The following GUCY1A2 variants were observed in gnomAD, a reference collection of about 807,000 sequenced individuals.
The protein encoded by GUCY1A2 is guanylate cyclase 1 soluble subunit alpha 2, also known as guanylate cyclase soluble subunit alpha-2.
A neutral mutation model predicts 63.5 loss-of-function variants in GUCY1A2; 27 were observed. The ratio of observed to expected loss-of-function variants is 0.43; its 90% CI spans 0.31 to 0.59. GUCY1A2 has a LOEUF of 0.59. GUCY1A2 is among the 20% of genes least tolerant of loss of function. The pLI is 0.11. For synonymous variants in GUCY1A2, 364 were observed against 343.5 expected, an observed-to-expected ratio of 1.06 and a Z score of -0.66; for missense variants, 768 against 913.3, an observed-to-expected ratio of 0.84 and a Z score of 2.05.
intron 4 of GUCY1A2, among the ~76,000 whole-genome samples, chr11:106,879,450 T>C (rs1362895795): frequency 6.6e-6 from 1 of 151,728 alleles, no homozygotes; most frequent in Non-Finnish European, 1.5e-5. Flanking sequence ...TATGGAAGAG[T>C]TAAGTTTGTT....
chr11:106,722,912 A>G (rs1056305086), intron 6 of GUCY1A2, among the ~76,000 whole-genome samples: 1 of 152,150 alleles, frequency 6.6e-6, no homozygotes, highest in Non-Finnish European at 1.5e-5. Context: ...TCCCCCAGAC[A>G]TGTGAAATTC....
chr11:106,823,196 T>A (rs953784423), intron 4 of GUCY1A2, among the ~76,000 whole-genome samples: 14 of 152,168 alleles, frequency 9.2e-5, no homozygotes, highest in Non-Finnish European at 2.1e-4. Flanking sequence ...ATCACTCAAA[T>A]ATTGAACATT....
chr11:106,964,636 G>T (rs966372755), intron 3 of GUCY1A2, among the ~76,000 whole-genome samples: 1 of 152,136 alleles, frequency 6.6e-6, no homozygotes, highest in African/African-American at 2.4e-5. Context: ...TATTGTCAGT[G>T]CTCACTCTGG....
At chr11:106,734,052 T>A (rs949552430) in intron 6 of GUCY1A2, among the ~76,000 whole-genome samples, 9 of 152,174 alleles carry the variant, frequency 5.9e-5, no homozygotes, top group African/African-American at 2.2e-4. Context: ...CAAACTATAC[T>A]GAGTTTCTTT....
intron 4 of GUCY1A2, among the ~76,000 whole-genome samples, chr11:106,896,785 A>C (rs1266749207): frequency 6.6e-6 from 1 of 152,198 alleles, no homozygotes; most frequent in Non-Finnish European, 1.5e-5. Context: ...CTTGATCTTG[A>C]ATTTCCCAGC....
At chr11:106,986,236 G>C in intron 1 of GUCY1A2, 105 bp from the exon 2 acceptor site, 2 of 664,028 alleles carry the variant, frequency 3.0e-6, no homozygotes, top group Non-Finnish European at 5.3e-6. Flanking sequence ...TATCTCTTGA[G>C]AGTTTTCCTT....
chr11:106,919,511 A>G (rs1267732904), intron 4 of GUCY1A2, among the ~76,000 whole-genome samples: 1 of 152,120 alleles, frequency 6.6e-6, no homozygotes, highest in Non-Finnish European at 1.5e-5. Context: ...AATTTTATTC[A>G]TCAATTATAC....
intron 3 of GUCY1A2, 85 bp from the exon 4 acceptor site, chr11:106,940,263 A>C (rs1452836450): frequency 1.5e-6 from 1 of 677,114 alleles, no homozygotes; most frequent in African/African-American, 1.8e-5. Flanking sequence ...TCAAAAGAGT[A>C]ACTACTGAAT....
chr11:106,807,093 T>C (rs1420662830), intron 5 of GUCY1A2, among the ~76,000 whole-genome samples: 2 of 152,290 alleles, frequency 1.3e-5, no homozygotes, highest in East Asian at 1.9e-4. Context: ...ATTTCTAACA[T>C]AAAAGGTGGG....
chr11:106,793,023 GAAAA>G (rs1038390777), intron 5 of GUCY1A2, among the ~76,000 whole-genome samples: 1 of 151,534 alleles, frequency 6.6e-6, no homozygotes, highest in Admixed American at 6.6e-5. Context: ...CACAGAAATA[GAAAA>G]AAAATCCTAA....
At position 106,911,453 on chromosome 11, in the gene GUCY1A2, C is replaced by T. The variant is rs576661834; in HGVS notation, c.1206+28007G>A. ...AGGCTCTCCTTCTTCCCCGCTTCTT[C>T]CTCTGAGAAGATAACAATTAGCAAA... is the stretch of plus-strand genomic sequence containing the variant. On this transcript the variant is annotated intron_variant, in intron 4 of 7. Coordinates refer to ENST00000526355, the MANE Select transcript of GUCY1A2 (RefSeq NM_000855.3). 4.6e-5 allele frequency among the ~76,000 whole-genome samples: 7 copies of T among 152,220 alleles called. No homozygotes were observed. The South Asian group carries it at 1.5e-3, about 32-fold the overall frequency.
intron 6 of GUCY1A2, among the ~76,000 whole-genome samples, chr11:106,718,103 C>T (rs1321853614): frequency 6.6e-6 from 1 of 152,110 alleles, no homozygotes; most frequent in African/African-American, 2.4e-5. Flanking sequence ...TCAAGTAATA[C>T]ACTAAGACAA....
chr11:106,940,796 A>G (rs183076755), intron 3 of GUCY1A2, among the ~76,000 whole-genome samples: 8 of 152,296 alleles, frequency 5.3e-5, no homozygotes, highest in African/African-American at 1.9e-4. Flanking sequence ...TCACCTTTCA[A>G]TAGCCTTGCA....
At chr11:106,723,089 C>A (rs1863346897) in intron 6 of GUCY1A2, among the ~76,000 whole-genome samples, 1 of 152,166 alleles carries the variant, frequency 6.6e-6, no homozygotes, top group African/African-American at 2.4e-5. Flanking sequence ...TAAAACACAG[C>A]AAGCTGTTTG....
chr11:106,793,986 C>T (rs1864708886), intron 5 of GUCY1A2, among the ~76,000 whole-genome samples: 1 of 152,062 alleles, frequency 6.6e-6, no homozygotes, highest in South Asian at 2.1e-4. Context: ...TCAGCAACTC[C>T]ACTTCTGGAT....
chr11:106,841,861 TTAC>T (rs1274541227), intron 4 of GUCY1A2, among the ~76,000 whole-genome samples: 1 of 151,868 alleles, frequency 6.6e-6, no homozygotes, highest in Admixed American at 6.6e-5. Context: ...GAATTTTACT[TTAC>T]TACCTTTTTT....
rs773251118 is a variant in GUCY1A2 at position 106,725,152 on chromosome 11, CTTTTTTTTTTTTTTTTTTTTTT to C, written c.1837-16508_1837-16487del. Reference sequence around the variant, plus strand: ...ATGTATCTTCTTATTGACATAAATTCTTTTTTTTTTTTTTTTTTTTTTTTTTTTTTTTTTTTTTGAGACGGAG... The same window carrying C: ...ATGTATCTTCTTATTGACATAAATTCTTTTTTTTTTTTTTTTGAGACGGAG... On this transcript the variant is annotated intron_variant, in intron 6 of 7. Transcript: ENST00000526355. 3.8e-3 allele frequency among the ~76,000 whole-genome samples: 88 copies of C among 22,986 alleles called. 15 individuals are homozygous for C. The highest frequency in any genetic ancestry group is 0.012 in the African/African-American group (70 of 5,698). 15.1% of individuals were successfully genotyped at this position (22,986 alleles called of 152,430 possible). A position where few individuals can be genotyped will look rare whatever the true frequency, so the allele number is the denominator to read the frequency against.
At chr11:106,827,902 C>T (rs951350340) in intron 4 of GUCY1A2, 1 of 1,489,820 alleles carries the variant, frequency 6.7e-7, no homozygotes, top group Admixed American at 1.7e-5. Context: ...CTGCCGGACT[C>T]CCAGTGGTTT....
Position 106,787,860 on chromosome 11 carries a change from C to T in GUCY1A2, c.1693-11278G>A, listed in dbSNP as rs114995442. On this transcript the variant is annotated intron_variant, in intron 5 of 7. Transcript: ENST00000526355. ...ACAATAAACATGGGAGTGCAGGTAT[C>T]TCTTCCATATACTTACTTCCCTTCT... Among the ~76,000 whole-genome samples the T allele has an allele frequency of 2.8e-3, 433 of 152,120 alleles. 2 individuals are homozygous for T. The highest frequency in any genetic ancestry group is 5.6e-3 in the Admixed American group (86 of 15,296).
Sources: allele counts gnomAD v4.1 joint callset (sites outside exome capture counted in the v4.1 genomes callset), GRCh38; gene constraint gnomAD v4.1.1; transcripts MANE v1.5; gene names NCBI Gene and HGNC (gene_info 2026-07-23, HGNC 2026-07-21).